Variants in MACROD2 observed in about 807,000 individuals in gnomAD.
MACROD2 encodes the protein mono-ADP ribosylhydrolase 2.
A neutral mutation model predicts 70.4 loss-of-function variants in MACROD2; 36 were observed. The observed-to-expected ratio is 0.51, with a 90% CI of 0.39 to 0.68. The LOEUF is 0.68. Among genes scored for constraint, MACROD2 ranks in the 30% least tolerant of loss-of-function variants. The pLI, the probability that MACROD2 is intolerant of heterozygous loss-of-function variation, is 0.00. For synonymous variants in MACROD2, 172 were observed against 178.8 expected (o/e 0.96, Z 0.30); for missense variants, 496 against 538.4 (o/e 0.92, Z 0.78).
intron 15 of MACROD2, among the ~76,000 whole-genome samples, chr20:16,017,999 G>A (rs938207985): frequency 6.6e-6 from 1 of 152,194 alleles, no homozygotes. Flanking sequence ...CCTACACCTA[G>A]TGGCATCTAG....
chr20:15,904,027 G>A (rs548944472), intron 10 of MACROD2, among the ~76,000 whole-genome samples: 1 of 152,300 alleles, frequency 6.6e-6, no homozygotes, highest in Admixed American at 6.5e-5. Context: ...AATAGAAGTT[G>A]TACCCTGGTT....
In MACROD2 at chr20:15,243,682, G is replaced by A. The variant is rs977822995; in HGVS notation, c.540+13621G>A. Among the ~76,000 whole-genome samples the A allele has an allele frequency of 2.6e-5, 4 of 152,228 alleles. No individual in the cohort carries two copies. The East Asian group carries it at 7.7e-4, about 29-fold the overall frequency. ...TGTAATCCCAGCACTTTGGGAGGCC[G>A]AGGCGGGCAAATCACGAGGTCAGGA... On this transcript the variant is annotated intron_variant, in intron 6 of 17. Coordinates refer to ENST00000684519, the MANE Select transcript of MACROD2 (RefSeq NM_001351661.2).
chr20:15,516,632 C>A (rs2047571577), intron 8 of MACROD2, among the ~76,000 whole-genome samples: 2 of 152,108 alleles, frequency 1.3e-5, no homozygotes, highest in African/African-American at 4.8e-5. Context: ...GAATGTTTTT[C>A]CTGGGGCTTT....
intron 7 of MACROD2, among the ~76,000 whole-genome samples, chr20:15,468,617 T>TTG (rs753085634): frequency 6.6e-6 from 1 of 152,206 alleles, no homozygotes; most frequent in Admixed American, 6.5e-5. Context: ...AGCACCATCT[T>TTG]TGTGTCAATA....
chr20:15,126,730 A>G (rs1200356007), intron 5 of MACROD2, among the ~76,000 whole-genome samples: 1 of 152,104 alleles, frequency 6.6e-6, no homozygotes, highest in Non-Finnish European at 1.5e-5. Flanking sequence ...ATTACAAAGA[A>G]TTGTGAACTT....
At chr20:14,768,435 T>C (rs1010484635) in intron 5 of MACROD2, among the ~76,000 whole-genome samples, 2 of 152,142 alleles carry the variant, frequency 1.3e-5, no homozygotes, top group African/African-American at 2.4e-5. Context: ...CTGTTCTCAG[T>C]TGGACTGTGT....
intron 4 of MACROD2, among the ~76,000 whole-genome samples, chr20:14,527,339 G>A (rs970272410): frequency 6.6e-6 from 1 of 152,202 alleles, no homozygotes; most frequent in Non-Finnish European, 1.5e-5. Flanking sequence ...CATTTGGGCA[G>A]AAAATGCCTG....
intron 3 of MACROD2, among the ~76,000 whole-genome samples, chr20:14,093,943 C>T (rs1464640107): frequency 6.6e-6 from 1 of 151,028 alleles, no homozygotes; most frequent in Non-Finnish European, 1.5e-5. Context: ...GAGGCCAGAT[C>T]ATGAAGTGCT....
chr20:15,904,875 T>C (rs955366047), intron 10 of MACROD2, among the ~76,000 whole-genome samples: 5 of 124,298 alleles, frequency 4.0e-5, no homozygotes, highest in East Asian at 2.8e-4. Flanking sequence ...AGAGAGACTC[T>C]GTCTCAAAAA....
At chr20:14,049,567 CCT>C (rs975124737) in intron 2 of MACROD2, among the ~76,000 whole-genome samples, 148 of 143,258 alleles carry the variant, frequency 1.0e-3, no homozygotes, top group African/African-American at 3.5e-3. Flanking sequence ...GTGGTGAAAC[CCT>C]GTCTCTACTA....
At chr20:15,862,651 A>T in intron 8 of MACROD2, 94 bp from the exon 9 acceptor site, 1 of 935,692 alleles carries the variant, frequency 1.1e-6, no homozygotes, top group Non-Finnish European at 1.7e-6. Flanking sequence ...AATCTGTATG[A>T]GGCCTTTCCA....
At chr20:15,180,668 A>T (rs1448696031) in intron 5 of MACROD2, among the ~76,000 whole-genome samples, 1 of 152,158 alleles carries the variant, frequency 6.6e-6, no homozygotes, top group Non-Finnish European at 1.5e-5. Context: ...TTGTCCTTAC[A>T]TCTAAATATC....
chr20:15,371,002 A>G (rs986808225), intron 6 of MACROD2, among the ~76,000 whole-genome samples: 1 of 152,158 alleles, frequency 6.6e-6, no homozygotes. Context: ...AATAGTGTGC[A>G]TATAGACACA....
At chr20:15,091,777 G>A (rs1329599454) in intron 5 of MACROD2, among the ~76,000 whole-genome samples, 2 of 152,004 alleles carry the variant, frequency 1.3e-5, no homozygotes, top group Admixed American at 6.6e-5. Flanking sequence ...AAGTAATGTG[G>A]CTGAATAATG....
At chr20:15,741,821 T>A (rs908392612) in intron 8 of MACROD2, among the ~76,000 whole-genome samples, 5 of 152,124 alleles carry the variant, frequency 3.3e-5, no homozygotes, top group South Asian at 2.1e-4. Flanking sequence ...AGATCAGGGG[T>A]CTTTGCATCT....
intron 5 of MACROD2, among the ~76,000 whole-genome samples, chr20:15,137,211 A>G (rs777514953): frequency 0.21 from 31,513 of 150,420 alleles, 4,518 homozygotes; most frequent in Non-Finnish European, 0.32. Flanking sequence ...ATTACTGGGT[A>G]TATACCCAAA....
rs147908655 is a variant in MACROD2 at position 15,526,212 on chromosome 20, C to T, written c.645+26365C>T. Among the ~76,000 whole-genome samples the T allele has an allele frequency of 3.5e-3, 539 of 152,146 alleles. 2 individuals are homozygous for T. Among genetic ancestry groups the T allele is most frequent in the South Asian group, 0.013 (61 of 4,810 alleles). ...TTAAAAAATATATCAGATGCTGTGG[C>T]GGACACCAAACCAATTGTATCCCTC... On this transcript the variant is annotated intron_variant, in intron 8 of 17. Coordinates refer to ENST00000684519, the MANE Select transcript of MACROD2 (RefSeq NM_001351661.2).
intron 4 of MACROD2, among the ~76,000 whole-genome samples, chr20:14,601,993 T>TAA (rs1982528119): frequency 6.6e-6 from 1 of 152,218 alleles, no homozygotes; most frequent in Non-Finnish European, 1.5e-5. Flanking sequence ...TTCTCCTCCT[T>TAA]GACGCTCAAA....
chr20:14,768,492 T>C (rs573673255), intron 5 of MACROD2, among the ~76,000 whole-genome samples: 2 of 152,058 alleles, frequency 1.3e-5, no homozygotes, highest in Non-Finnish European at 2.9e-5. Flanking sequence ...CTTTTTAACA[T>C]TTTTAAAGTT....
Sources: gnomAD v4.1 joint callset for allele counts (sites outside exome capture counted in the v4.1 genomes callset) on GRCh38, gnomAD v4.1.1 for gene constraint, MANE v1.5 for transcripts, NCBI Gene and HGNC (gene_info 2026-07-23, HGNC 2026-07-21) for gene names.